CAMK1D: variants seen among roughly 807,000 people sequenced by gnomAD.
The protein encoded by CAMK1D is calcium/calmodulin-dependent protein kinase type 1D.
CAMK1D carries 9 observed loss-of-function variants against 47.7 expected under a neutral mutation model. The observed-to-expected ratio is 0.19, with a 90% CI of 0.11 to 0.33. CAMK1D has a LOEUF of 0.33. CAMK1D is among the 10% of genes least tolerant of loss of function. The pLI is 1.00. For missense variants in CAMK1D, 291 were observed against 488.7 expected, an observed-to-expected ratio of 0.60 and a Z score of 3.81; for synonymous variants, 184 against 184.9, an observed-to-expected ratio of 0.99 and a Z score of 0.04.
At chr10:12,810,083 AG>A (rs1371565251) in intron 6 of CAMK1D, among the ~76,000 whole-genome samples, 1 of 137,864 alleles carries the variant, frequency 7.3e-6, no homozygotes, top group Admixed American at 8.0e-5. Context: ...GGGAGATGGG[AG>A]GGTGCAGTGG....
intron 1 of CAMK1D, among the ~76,000 whole-genome samples, chr10:12,373,635 A>C (rs369447275): frequency 5.3e-5 from 8 of 152,150 alleles, no homozygotes; most frequent in Admixed American, 1.3e-4. Flanking sequence ...CCATCTCAAA[A>C]AAACAAACAA....
At chr10:12,524,860 C>T (rs1835566775) in intron 1 of CAMK1D, among the ~76,000 whole-genome samples, 1 of 152,196 alleles carries the variant, frequency 6.6e-6, no homozygotes, top group African/African-American at 2.4e-5. Context: ...CTTTTGCCAT[C>T]ATTTTCCTTC....
At chr10:12,798,543 C>G (rs1402291694) in intron 6 of CAMK1D, among the ~76,000 whole-genome samples, 1 of 152,158 alleles carries the variant, frequency 6.6e-6, no homozygotes. Flanking sequence ...TTACAGCGAT[C>G]TGGGTTTGGA....
chr10:12,465,277 T>C (rs764223923), intron 1 of CAMK1D, among the ~76,000 whole-genome samples: 1 of 152,242 alleles, frequency 6.6e-6, no homozygotes, highest in Non-Finnish European at 1.5e-5. Flanking sequence ...GTTTTGCATA[T>C]AATTAAAATT....
rs1838583502 is a variant in CAMK1D, at chr10:12,387,961, G to A, written c.92+38051G>A. On this transcript the variant is annotated intron_variant, in intron 1 of 10. Coordinates refer to ENST00000619168, the MANE Select transcript of CAMK1D (RefSeq NM_153498.4). ...AGTTGCTGTCATGAGTGAGTGAGCA[G>A]ATGGAGCCCACTGTGGGAGGGAAGA... Among the ~76,000 whole-genome samples the A allele has an allele frequency of 3.3e-5, 5 of 152,320 alleles. No individual in the cohort carries two copies. The South Asian group carries it at 1.0e-3, about 32-fold the overall frequency.
At chr10:12,761,144 C>G (rs1226606237) in intron 4 of CAMK1D, 58 bp downstream of exon 4, 4 of 1,581,788 alleles carry the variant, frequency 2.5e-6, no homozygotes, top group Non-Finnish European at 3.5e-6. Context: ...ATGCACGCGA[C>G]CAAGAGGGCT....
At chr10:12,412,589 C>T (rs1457172418) in intron 1 of CAMK1D, among the ~76,000 whole-genome samples, 1 of 147,578 alleles carries the variant, frequency 6.8e-6, no homozygotes, top group Non-Finnish European at 1.5e-5. Context: ...TGTCACTGCA[C>T]TCCAGCCTGG....
In CAMK1D at chr10:12,783,845, G is replaced by A. The variant is rs143062574; in HGVS notation, c.566-7313G>A. The stretch of plus-strand genomic sequence containing the variant: ...AGTGGAATTTTCCATAAGTGGGCTG[G>A]TGGTGAGTCTCACAGTAGTAAATCC... On this transcript the variant is annotated intron_variant, in intron 5 of 10. Coordinates refer to ENST00000619168, the MANE Select transcript of CAMK1D (RefSeq NM_153498.4). Among the ~76,000 whole-genome samples the A allele has an allele frequency of 4.6e-5, 7 of 152,238 alleles. No homozygotes were observed. The East Asian group carries it at 1.4e-3, about 29-fold the overall frequency.
At chr10:12,425,264 TTTTCTTTC>T (rs148930488) in intron 1 of CAMK1D, among the ~76,000 whole-genome samples, 30 of 146,712 alleles carry the variant, frequency 2.0e-4, no homozygotes, top group African/African-American at 6.8e-4. Flanking sequence ...TGCCCCTTTC[TTTTCTTTC>T]TTTCTTTCTT....
intron 2 of CAMK1D, among the ~76,000 whole-genome samples, chr10:12,638,050 C>T (rs530502623): frequency 6.6e-6 from 1 of 152,224 alleles, no homozygotes; most frequent in Non-Finnish European, 1.5e-5. Flanking sequence ...GGGGGGATTC[C>T]GATATCCTTG....
chr10:12,816,684 C>T (rs1345428223), intron 8 of CAMK1D, among the ~76,000 whole-genome samples: 2 of 151,772 alleles, frequency 1.3e-5, no homozygotes, highest in African/African-American at 4.8e-5. Flanking sequence ...GCCTGGCTAA[C>T]ATGGTGAAAC....
chr10:12,600,929 C>T (rs771870611), intron 2 of CAMK1D, among the ~76,000 whole-genome samples: 2 of 152,200 alleles, frequency 1.3e-5, no homozygotes, highest in Non-Finnish European at 2.9e-5. Flanking sequence ...CCTCCACTTC[C>T]ACCCACCCAT....
chr10:12,797,217 G>A (rs1203585412), intron 6 of CAMK1D, among the ~76,000 whole-genome samples: 2 of 109,730 alleles, frequency 1.8e-5, no homozygotes, highest in African/African-American at 3.4e-5. Flanking sequence ...TTTTTGTTTA[G>A]AGACAGGGTC....
At chr10:12,828,590 G>A (rs891201438) in intron 10 of CAMK1D, among the ~76,000 whole-genome samples, 179 bp from the exon 11 acceptor site, 7 of 151,514 alleles carry the variant, frequency 4.6e-5, no homozygotes, top group African/African-American at 7.3e-5. Flanking sequence ...GCAGTGACCC[G>A]AGATCGTGCC....
At chr10:12,688,107 C>CAAAGTATTTCATGT (rs1832729915) in intron 3 of CAMK1D, among the ~76,000 whole-genome samples, 1 of 152,196 alleles carries the variant, frequency 6.6e-6, no homozygotes, top group South Asian at 2.1e-4. Flanking sequence ...GCTCTGCTGA[C>CAAAGTATTTCATGT]AAAGTATTTC....
chr10:12,451,438 C>T (rs1174835777), intron 1 of CAMK1D, among the ~76,000 whole-genome samples: 1 of 152,186 alleles, frequency 6.6e-6, no homozygotes, highest in Non-Finnish European at 1.5e-5. Flanking sequence ...GCTCCATCTT[C>T]ACTCTTGCCC....
intron 3 of CAMK1D, among the ~76,000 whole-genome samples, chr10:12,705,613 G>A (rs1328686615): frequency 1.3e-5 from 2 of 152,132 alleles, no homozygotes; most frequent in Non-Finnish European, 2.9e-5. Context: ...CCTGGTCCTC[G>A]ATTGTGAGTA....
chr10:12,723,958 G>C (rs1176185657), intron 3 of CAMK1D, among the ~76,000 whole-genome samples: 2 of 151,764 alleles, frequency 1.3e-5, no homozygotes, highest in Non-Finnish European at 2.9e-5. Context: ...CCCTTCCTGT[G>C]TCCAGATGTT....
intron 2 of CAMK1D, among the ~76,000 whole-genome samples, chr10:12,600,187 G>A (rs1838259432): frequency 6.6e-6 from 1 of 152,042 alleles, no homozygotes; most frequent in Non-Finnish European, 1.5e-5. Context: ...CAAGTTAGAA[G>A]AAAGAAAAAA....
Sources: gnomAD v4.1 joint callset for allele counts (sites outside exome capture counted in the v4.1 genomes callset) on GRCh38, gnomAD v4.1.1 for gene constraint, MANE v1.5 for transcripts, NCBI Gene and HGNC (gene_info 2026-07-23, HGNC 2026-07-21) for gene names.